Variants in SORCS1 observed in about 807,000 individuals in gnomAD.
SORCS1 encodes the protein sortilin related VPS10 domain containing receptor 1, also known as VPS10 domain-containing receptor SorCS1.
SORCS1 carries 60 observed loss-of-function variants against 146.1 expected under a neutral mutation model. That is an observed-to-expected ratio of 0.41 (90% CI 0.33 to 0.51). The LOEUF is 0.51. SORCS1 is among the 20% of genes least tolerant of loss of function. The pLI is 0.21. For synonymous variants in SORCS1, 637 were observed against 584.0 expected, an observed-to-expected ratio of 1.09 and a Z score of -1.31; for missense variants, 1,352 against 1,487.6, an observed-to-expected ratio of 0.91 and a Z score of 1.50.
chr10:106,896,580 A>G (rs540765811), intron 2 of SORCS1, among the ~76,000 whole-genome samples: 1 of 152,100 alleles, frequency 6.6e-6, no homozygotes, highest in South Asian at 2.1e-4. Context: ...ATGTGAATAT[A>G]TGTAACACTA....
At chr10:106,768,603 C>A (rs1199788103) in intron 4 of SORCS1, among the ~76,000 whole-genome samples, 1 of 152,104 alleles carries the variant, frequency 6.6e-6, no homozygotes. Flanking sequence ...TTCTAAGTAC[C>A]ACATATCTGT....
At chr10:106,618,402 A>G in intron 20 of SORCS1, 130 bp from the exon 21 acceptor site, 1 of 1,167,974 alleles carries the variant, frequency 8.6e-7, no homozygotes, top group Non-Finnish European at 1.2e-6. Context: ...AATGGCACTG[A>G]GTCCCTCTAT....
At chr10:107,170,943 G>A in the SORCS1 span, among the ~76,000 whole-genome samples, 26 of 152,278 alleles carry the variant, frequency 1.7e-4, no homozygotes, top group African/African-American at 6.0e-4. Flanking sequence ...TTTAAATCCC[G>A]TGCATGTCAC....
intron 24 of SORCS1, among the ~76,000 whole-genome samples, chr10:106,583,391 A>G (rs1458694759): frequency 6.6e-6 from 1 of 152,234 alleles, no homozygotes; most frequent in Non-Finnish European, 1.5e-5. Context: ...TAACTTTACC[A>G]TAGTCTTTCA....
At chr10:106,736,790 T>C (rs1856978784) in intron 5 of SORCS1, among the ~76,000 whole-genome samples, 1 of 152,152 alleles carries the variant, frequency 6.6e-6, no homozygotes, top group Non-Finnish European at 1.5e-5. Flanking sequence ...CTGCTTTTAT[T>C]CCTCTGGCCC....
At chr10:107,111,871 C>A (rs1385565122) in intron 1 of SORCS1, among the ~76,000 whole-genome samples, 3 of 152,142 alleles carry the variant, frequency 2.0e-5, no homozygotes, top group African/African-American at 7.2e-5. Context: ...ATAAGGTTAA[C>A]AGCAGACATC....
intron 2 of SORCS1, among the ~76,000 whole-genome samples, chr10:106,850,492 C>T (rs1949518568): frequency 6.6e-6 from 1 of 152,084 alleles, no homozygotes; most frequent in Non-Finnish European, 1.5e-5. Flanking sequence ...GTCTGGCACT[C>T]CCTAGTGAGA....
the SORCS1 span, among the ~76,000 whole-genome samples, chr10:107,179,904 C>CTT: frequency 0.058 from 2,966 of 51,274 alleles, 1,018 homozygotes; most frequent in East Asian, 0.069. Context: ...ACAAAACAGA[C>CTT]TTTTTTTTTT....
chr10:106,749,901 A>T (rs1216284672), intron 5 of SORCS1, among the ~76,000 whole-genome samples: 1 of 152,232 alleles, frequency 6.6e-6, no homozygotes, highest in Admixed American at 6.5e-5. Flanking sequence ...AAGTTAATTA[A>T]AGAGCTCAAT....
intron 2 of SORCS1, among the ~76,000 whole-genome samples, chr10:106,843,831 T>A (rs1274097058): frequency 6.6e-6 from 1 of 152,240 alleles, no homozygotes; most frequent in Non-Finnish European, 1.5e-5. Context: ...TGTTTCCGTA[T>A]CTTGGCTATT....
intron 1 of SORCS1, among the ~76,000 whole-genome samples, chr10:107,025,087 A>C (rs1958340594): frequency 6.6e-6 from 1 of 152,188 alleles, no homozygotes; most frequent in East Asian, 1.9e-4. Flanking sequence ...ATGTCCAATG[A>C]CTTCTGTCAG....
In SORCS1 at chr10:106,845,997, A is replaced by T. The variant is rs1949303129; in HGVS notation, c.627-16324T>A. On this transcript the variant is annotated intron_variant, in intron 2 of 25. Coordinates refer to ENST00000263054, the MANE Select transcript of SORCS1 (RefSeq NM_052918.5). ...TTTAGTTACTGTAGCCTTGTAGCAT[A>T]GTTTGCAGTCAGGTAGTGTGATGCC... is the stretch of plus-strand genomic sequence containing the variant. 1.5e-5 allele frequency among the ~76,000 whole-genome samples: 2 copies of T among 130,356 alleles called. 1 individual carries two copies. The highest frequency in any genetic ancestry group is 3.6e-5 in the Non-Finnish European group (2 of 55,900). 85.5% of individuals were successfully genotyped at this position (130,356 alleles called of 152,430 possible).
In SORCS1 at chr10:107,104,942, T is replaced by C. The variant is rs145955524; in HGVS notation, c.558+59027A>G. On this transcript the variant is annotated intron_variant, in intron 1 of 25. Transcript: ENST00000263054. ...AGAACTGAACTAGAGGAGCCAAGAA[T>C]GACCTGAATGCCTGTGGTATATTCA... 8.1e-3 allele frequency among the ~76,000 whole-genome samples: 1,241 copies of C among 152,292 alleles called. 16 individuals are homozygous for C. The highest frequency in any genetic ancestry group is 0.028 in the African/African-American group (1,170 of 41,550).
rs530443421 is a variant in SORCS1 at position 106,679,305 on chromosome 10, G to A, written c.1691C>T (p.Thr564Ile). The stretch of plus-strand genomic sequence containing the variant: ...TGAAGAGACAAACATGCTGATGTCA[G>A]TGTCTGACAATTCAGAACCTATATT... Reference protein sequence around the residue: ...SGNIGSELSDTDISMFVSSDA... With the variant: ...SGNIGSELSDIDISMFVSSDA... Residue 564 changes from threonine (T) to isoleucine (I), a missense_variant, in exon 12 of 26, where the codon ACT becomes ATT. Coordinates refer to ENST00000263054, the MANE Select transcript of SORCS1 (RefSeq NM_052918.5). The A allele has an allele frequency of 1.4e-5, 23 of 1,613,410 alleles. No individual in the cohort carries two copies. The South Asian group carries it at 2.5e-4, about 18-fold the overall frequency.
At chr10:106,826,757 A>C (rs879820343) in intron 3 of SORCS1, among the ~76,000 whole-genome samples, 5 of 152,168 alleles carry the variant, frequency 3.3e-5, no homozygotes, top group Admixed American at 1.3e-4. Context: ...TCATTTATCT[A>C]TAGAGGAAAA....
At chr10:106,811,129 G>C (rs565582615) in intron 3 of SORCS1, among the ~76,000 whole-genome samples, 2 of 151,736 alleles carry the variant, frequency 1.3e-5, no homozygotes, top group African/African-American at 4.8e-5. Context: ...TAGTAGAGAC[G>C]GGGTTTCACC....
chr10:106,955,322 C>A (rs1487313312), intron 2 of SORCS1, among the ~76,000 whole-genome samples: 1 of 152,254 alleles, frequency 6.6e-6, no homozygotes, highest in African/African-American at 2.4e-5. Flanking sequence ...TTGTCATACA[C>A]CTGGTCCAGC....
chr10:106,815,264 T>C (rs1248948999), intron 3 of SORCS1, among the ~76,000 whole-genome samples: 1 of 152,060 alleles, frequency 6.6e-6, no homozygotes, highest in East Asian at 1.9e-4. Context: ...GCCTCTGTCC[T>C]TCTAATAAAT....
chr10:106,877,116 G>A (rs891426168), intron 2 of SORCS1, among the ~76,000 whole-genome samples: 1 of 152,126 alleles, frequency 6.6e-6, no homozygotes, highest in African/African-American at 2.4e-5. Flanking sequence ...GTGCTTTAAT[G>A]TCTGAAAATC....
Sources: allele counts gnomAD v4.1 joint callset (sites outside exome capture counted in the v4.1 genomes callset), GRCh38; gene constraint gnomAD v4.1.1; transcripts MANE v1.5; gene names NCBI Gene and HGNC (gene_info 2026-07-23, HGNC 2026-07-21).